EFCAB6: variants seen among roughly 807,000 people sequenced by gnomAD.
The protein encoded by EFCAB6 is EF-hand calcium-binding domain-containing protein 6.
Under a neutral mutation model 169.8 loss-of-function variants are expected in EFCAB6, and 156 were observed. That is an observed-to-expected ratio of 0.92 (90% CI 0.81 to 1.05). EFCAB6 has a LOEUF of 1.05. EFCAB6 is among the 50% of genes least tolerant of loss of function. The pLI, the probability that EFCAB6 is intolerant of heterozygous loss-of-function variation, is 0.00. For synonymous variants in EFCAB6, 698 were observed against 676.4 expected (o/e 1.03, Z -0.50); for missense variants, 1,800 against 1,829.1 (o/e 0.98, Z 0.29).
chr22:43,771,832 C>A (rs1490681972), intron 4 of EFCAB6, among the ~76,000 whole-genome samples: 9 of 152,190 alleles, frequency 5.9e-5, no homozygotes, highest in Admixed American at 5.9e-4. Context: ...TTACGAAGTA[C>A]TTTTCTGAAT....
At chr22:43,756,633 C>A (rs2147868611) in intron 5 of EFCAB6, among the ~76,000 whole-genome samples, 1 of 152,258 alleles carries the variant, frequency 6.6e-6, no homozygotes, top group African/African-American at 2.4e-5. Context: ...AAGGAAGACA[C>A]TGCCTGTACT....
chr22:43,680,923 T>C (rs912361754), intron 12 of EFCAB6, among the ~76,000 whole-genome samples: 14 of 152,240 alleles, frequency 9.2e-5, no homozygotes, highest in Non-Finnish European at 1.3e-4. Context: ...ACAGTTTTAC[T>C]TCTTCCTTTT....
At chr22:43,803,818 T>C (rs1173955365) in intron 2 of EFCAB6, among the ~76,000 whole-genome samples, 1 of 152,194 alleles carries the variant, frequency 6.6e-6, no homozygotes, top group African/African-American at 2.4e-5. Flanking sequence ...AGACTAGACC[T>C]AATAGGGCTA....
intron 4 of EFCAB6, among the ~76,000 whole-genome samples, chr22:43,772,022 G>A (rs537879305): frequency 1.3e-5 from 2 of 152,064 alleles, no homozygotes; most frequent in South Asian, 4.2e-4. Context: ...TCACTCCTTC[G>A]TCAAAACTAA....
At chr22:43,791,210 C>A (rs995746000) in intron 2 of EFCAB6, among the ~76,000 whole-genome samples, 3 of 151,818 alleles carry the variant, frequency 2.0e-5, no homozygotes, top group Admixed American at 2.0e-4. Context: ...CCTGTCACTA[C>A]AAAAATACAA....
At chr22:43,644,453 C>T (rs2056019324) in intron 17 of EFCAB6, among the ~76,000 whole-genome samples, 1 of 152,180 alleles carries the variant, frequency 6.6e-6, no homozygotes, top group African/African-American at 2.4e-5. Flanking sequence ...ATTTAAATCA[C>T]TCCCACAAAT....
intron 5 of EFCAB6, chr22:43,759,223 T>G (rs541642650): frequency 6.6e-6 from 1 of 152,360 alleles, no homozygotes; most frequent in Admixed American, 6.5e-5. Context: ...CCTTTATCCA[T>G]CTGAATCTCT....
chr22:43,567,849 A>G (rs1241105028), intron 26 of EFCAB6, among the ~76,000 whole-genome samples: 1 of 152,164 alleles, frequency 6.6e-6, no homozygotes, highest in Non-Finnish European at 1.5e-5. Context: ...CAAAGTAAGT[A>G]GGGCTCAGTT....
intron 23 of EFCAB6, among the ~76,000 whole-genome samples, chr22:43,595,553 G>A (rs2051934693): frequency 6.6e-6 from 1 of 152,002 alleles, no homozygotes; most frequent in Non-Finnish European, 1.5e-5. Context: ...CCATGAAAAA[G>A]TAGAAAATCT....
chr22:43,792,425 G>T (rs1438367688), intron 2 of EFCAB6, among the ~76,000 whole-genome samples: 1 of 152,180 alleles, frequency 6.6e-6, no homozygotes, highest in Non-Finnish European at 1.5e-5. Context: ...GCACATCTTG[G>T]CCAGGAAGGA....
intron 20 of EFCAB6, among the ~76,000 whole-genome samples, chr22:43,622,461 G>A (rs1288346047): frequency 6.6e-6 from 1 of 152,128 alleles, no homozygotes; most frequent in African/African-American, 2.4e-5. Context: ...AGTTACTTGG[G>A]AGTCTGAGGC....
chr22:43,573,950 T>C (rs73172043), intron 26 of EFCAB6, among the ~76,000 whole-genome samples: 17,591 of 152,132 alleles, frequency 0.12, 1,362 homozygotes, highest in South Asian at 0.22. Context: ...TTTCATACAG[T>C]CCAACCCAAT....
At chr22:43,582,322 T>G (rs1379738750) in intron 24 of EFCAB6, among the ~76,000 whole-genome samples, 1 of 148,676 alleles carries the variant, frequency 6.7e-6, no homozygotes, top group Non-Finnish European at 1.5e-5. Flanking sequence ...GATGAAATGG[T>G]CCTTCCTTTC....
At chr22:43,657,039 C>T (rs1206255307) in intron 17 of EFCAB6, among the ~76,000 whole-genome samples, 1 of 152,148 alleles carries the variant, frequency 6.6e-6, no homozygotes, top group Non-Finnish European at 1.5e-5. Context: ...CCTATAATCC[C>T]AGTACTTCGG....
chr22:43,598,541 C>T (rs1309344598), intron 23 of EFCAB6, among the ~76,000 whole-genome samples: 1 of 151,822 alleles, frequency 6.6e-6, no homozygotes, highest in Admixed American at 6.6e-5. Flanking sequence ...TTGTTACATA[C>T]AATTTTATAA....
chr22:43,548,192 T>G (rs937462401), intron 27 of EFCAB6, among the ~76,000 whole-genome samples: 2 of 152,100 alleles, frequency 1.3e-5, no homozygotes, highest in Non-Finnish European at 2.9e-5. Context: ...CAGTAATGTA[T>G]GTAAATGGGT....
chr22:43,754,785 G>A (rs1247481104), intron 6 of EFCAB6, among the ~76,000 whole-genome samples: 5 of 152,134 alleles, frequency 3.3e-5, no homozygotes, highest in African/African-American at 1.2e-4. Context: ...GACTTTTCCA[G>A]AAGCATATCA....
intron 24 of EFCAB6, among the ~76,000 whole-genome samples, chr22:43,582,341 T>TACACACACACAC (rs34578401): frequency 1.2e-4 from 18 of 148,368 alleles, no homozygotes; most frequent in African/African-American, 4.4e-4. Flanking sequence ...TCTATACACA[T>TACACACACACAC]ACACACACAC....
intron 2 of EFCAB6, among the ~76,000 whole-genome samples, chr22:43,784,676 T>TATGTGTATATATACATATACATAC (rs1439765812): frequency 1.6e-5 from 1 of 63,114 alleles, no homozygotes; most frequent in African/African-American, 5.5e-5. Context: ...TATACATATA[T>TATGTGTATATATACATATACATAC]ACACACACAC....
Sources: gnomAD v4.1 joint callset for allele counts (sites outside exome capture counted in the v4.1 genomes callset) on GRCh38, gnomAD v4.1.1 for gene constraint, MANE v1.5 for transcripts, NCBI Gene and HGNC (gene_info 2026-07-23, HGNC 2026-07-21) for gene names.